Variants in FAM81A observed in about 807,000 individuals in gnomAD.
FAM81A encodes the protein protein FAM81A.
A neutral mutation model predicts 46.7 loss-of-function variants in FAM81A; 19 were observed. The observed-to-expected ratio is 0.41, with a 90% CI of 0.28 to 0.60. The LOEUF (loss-of-function observed/expected upper bound fraction) is 0.60, where lower values mean the gene tolerates loss of function less well. Among genes scored for constraint, FAM81A ranks in the 20% least tolerant of loss-of-function variants. The probability of loss-of-function intolerance (pLI) is 0.34; values close to 1 mark genes in which losing one functional copy is unlikely to be tolerated. For synonymous variants in FAM81A, 183 were observed against 152.9 expected (o/e 1.20, Z -1.45); for missense variants, 377 against 453.5 (o/e 0.83, Z 1.53).
intron 7 of FAM81A, 102 bp from the exon 8 acceptor site, chr15:59,516,541 ATC>A: frequency 2.6e-6 from 3 of 1,160,918 alleles, no homozygotes; most frequent in Non-Finnish European, 3.7e-6. Context: ...GCTGTTGCAA[ATC>A]TGTTTCTTGC....
chr15:59,492,697 G>A (rs1377304421), intron 4 of FAM81A, among the ~76,000 whole-genome samples: 1 of 152,170 alleles, frequency 6.6e-6, no homozygotes, highest in African/African-American at 2.4e-5. Flanking sequence ...ATAAAGTTGA[G>A]ATAGTTTGTA....
At chr15:59,518,557 C>T (rs1199113261) in intron 8 of FAM81A, among the ~76,000 whole-genome samples, 2 of 152,046 alleles carry the variant, frequency 1.3e-5, no homozygotes, top group African/African-American at 4.8e-5. Context: ...AACTCCTGGC[C>T]TCAAGCAGTC....
At chr15:59,438,789 T>C (rs1435698667) in intron 1 of FAM81A, among the ~76,000 whole-genome samples, 3 of 152,192 alleles carry the variant, frequency 2.0e-5, no homozygotes, top group Admixed American at 1.3e-4. Flanking sequence ...GATGCAAAGC[T>C]TAACCATGTT....
At chr15:59,435,698 C>T (rs1040269253), upstream of FAM81A, among the ~76,000 whole-genome samples, 1 of 152,134 alleles carries the variant, frequency 6.6e-6, no homozygotes, top group African/African-American at 2.4e-5. Flanking sequence ...TAAATAACTG[C>T]TTTGTAAATA....
intron 8 of FAM81A, among the ~76,000 whole-genome samples, chr15:59,519,140 G>A (rs1027531199): frequency 6.6e-6 from 1 of 150,634 alleles, no homozygotes. Flanking sequence ...CTCCTCTTCC[G>A]CCCCACCTTT....
At chr15:59,487,507 T>C (rs1207621680) in intron 3 of FAM81A, among the ~76,000 whole-genome samples, 1 of 151,380 alleles carries the variant, frequency 6.6e-6, no homozygotes, top group African/African-American at 2.4e-5. Context: ...ATTGACAAAC[T>C]TTAGCTAGAC....
Position 59,430,760 on chromosome 15 carries a change from C to T in FAM81A, c.-77-27790C>T, listed in dbSNP as rs115058942. 5.2e-3 allele frequency among the ~76,000 whole-genome samples: 787 copies of T among 152,260 alleles called. 5 individuals are homozygous for T. The highest frequency in any genetic ancestry group is 0.018 in the African/African-American group (749 of 41,552). ...GAGCTGCATGTACATTTGACTATGA[C>T]GTTGAAAACTACATGTAAGGAAAAG... is the stretch of plus-strand genomic sequence containing the variant. On this transcript the variant is annotated intron_variant, in intron 2 of 4. Coordinates refer to the FAM81A transcript ENST00000558348.
chr15:59,421,742 T>TCTAC (rs1194158298), intron 2 of FAM81A, among the ~76,000 whole-genome samples: 1 of 27,838 alleles, frequency 3.6e-5, no homozygotes, highest in Non-Finnish European at 1.1e-4. Flanking sequence ...TATCTATCTA[T>TCTAC]CTGTCTATCT....
In FAM81A at chr15:59,425,975, G is replaced by A. The variant is rs562853403; in HGVS notation, c.-78+23617G>A. Among the ~76,000 whole-genome samples, 12 of 152,238 alleles carry A rather than the reference G, an allele frequency of 7.9e-5. No homozygotes were observed. The South Asian group carries it at 2.5e-3, about 32-fold the overall frequency. ...AACTTAAAAGTCATCTTCTGATTTT[G>A]TTTGGTCAGAAAGTTATTAAAATAT... On this transcript the variant is annotated intron_variant, in intron 2 of 4. Coordinates refer to the FAM81A transcript ENST00000558348.
intron 3 of FAM81A, among the ~76,000 whole-genome samples, chr15:59,469,834 G>A (rs1217353261): frequency 3.3e-5 from 5 of 152,186 alleles, no homozygotes; most frequent in African/African-American, 1.2e-4. Context: ...AATTTGGCAT[G>A]TTTTTGCAGT....
intron 3 of FAM81A, among the ~76,000 whole-genome samples, chr15:59,484,591 G>A (rs936596005): frequency 4.6e-5 from 7 of 152,180 alleles, no homozygotes; most frequent in Admixed American, 4.6e-4. Context: ...ACATTGTTTT[G>A]GAATGCAGGG....
intron 1 of FAM81A, among the ~76,000 whole-genome samples, chr15:59,446,013 C>T (rs1389198552): frequency 1.3e-5 from 2 of 152,098 alleles, no homozygotes; most frequent in African/African-American, 2.4e-5. Flanking sequence ...AGTCAGCAAT[C>T]GATATGTCAT....
rs2141645761 is a variant in FAM81A at position 59,460,808 on chromosome 15, A to G, written c.294+602A>G. ...AGTTTAGTTCAGAAAGCTTCAGATC[A>G]TTTAGGGCTTGGGTTTCCCTCACTA... On this transcript the variant is annotated intron_variant, in intron 3 of 8. Coordinates refer to ENST00000288228, the MANE Select transcript of FAM81A (RefSeq NM_152450.3). The surrounding 1 kb of genome is among the most constrained non-coding windows in gnomAD (Gnocchi z 4.4). 6.6e-6 allele frequency among the ~76,000 whole-genome samples: 1 copy of G among 152,332 alleles called. No individual in the cohort carries two copies. Among genetic ancestry groups the G allele is most frequent in the East Asian group, 1.9e-4 (1 of 5,188 alleles).
At chr15:59,407,009 G>T in intron 2 of FAM81A, 1 of 167,484 alleles carries the variant, frequency 6.0e-6, no homozygotes, top group South Asian at 1.5e-4. Flanking sequence ...TTTCCAGCTT[G>T]GCAATGAGAG....
At chr15:59,439,234 CA>C (rs2081271174) in intron 1 of FAM81A, among the ~76,000 whole-genome samples, 1 of 152,126 alleles carries the variant, frequency 6.6e-6, no homozygotes, top group Non-Finnish European at 1.5e-5. Context: ...TTCGAATCCA[CA>C]AAAGTGCAGC....
chr15:59,458,863 T>C (rs1481137188), intron 2 of FAM81A, among the ~76,000 whole-genome samples: 5 of 152,250 alleles, frequency 3.3e-5, no homozygotes, highest in Non-Finnish European at 1.5e-5. Context: ...GACTTGAATT[T>C]CCTGTTGAGA....
chr15:59,523,475 A>C lies in FAM81A; in HGVS notation c.*2097A>C, dbSNP rs2082347372. The stretch of plus-strand genomic sequence containing the variant: ...CACAGTGCAGTTCTCTTCTCACCAA[A>C]GCTCAAATGAGAATCAGCTTCCATG... On this transcript the variant is annotated 3_prime_UTR_variant, in exon 9 of 9. Coordinates refer to ENST00000288228, the MANE Select transcript of FAM81A (RefSeq NM_152450.3). 1 of 152,234 alleles carries C rather than the reference A, an allele frequency of 6.6e-6. No homozygotes were observed. Among genetic ancestry groups the C allele is most frequent in the African/African-American group, 2.4e-5 (1 of 41,448 alleles). 9.4% of individuals were successfully genotyped at this position (152,234 alleles called of 1,614,324 possible). A position where few individuals can be genotyped will look rare whatever the true frequency, so the allele number is the denominator to read the frequency against.
At chr15:59,508,092 T>A (rs2082168308) in intron 5 of FAM81A, among the ~76,000 whole-genome samples, 1 of 152,176 alleles carries the variant, frequency 6.6e-6, no homozygotes, top group Non-Finnish European at 1.5e-5. Flanking sequence ...TATAAAACTA[T>A]GAAAAAGAAT....
intron 1 of FAM81A, chr15:59,401,877 A>G (rs1239268092): frequency 1.4e-5 from 11 of 762,652 alleles, no homozygotes; most frequent in African/African-American, 8.6e-5. Flanking sequence ...CTTGAGACCA[A>G]TCATTTTCTT....
Sources: allele counts gnomAD v4.1 joint callset (sites outside exome capture counted in the v4.1 genomes callset), GRCh38; gene constraint gnomAD v4.1.1; non-coding constraint Gnocchi (gnomAD v3.1); transcripts MANE v1.5; gene names NCBI Gene and HGNC (gene_info 2026-07-23, HGNC 2026-07-21).